NEDD9: variants seen among roughly 807,000 people sequenced by gnomAD.
The protein encoded by NEDD9 is enhancer of filamentation 1.
NEDD9 carries 26 observed loss-of-function variants against 76.6 expected under a neutral mutation model. That is an observed-to-expected ratio of 0.34 (90% CI 0.25 to 0.47). The LOEUF is 0.47. Among genes scored for constraint, NEDD9 ranks in the 20% least tolerant of loss-of-function variants. The pLI, the probability that NEDD9 is intolerant of heterozygous loss-of-function variation, is 1.00. For missense variants in NEDD9, 937 were observed against 1,058.5 expected (o/e 0.89, Z 1.59); for synonymous variants, 392 against 414.2 (o/e 0.95, Z 0.65).
At chr6:11,346,595 C>G (rs962689712) in intron 1 of NEDD9, among the ~76,000 whole-genome samples, 4 of 152,020 alleles carry the variant, frequency 2.6e-5, no homozygotes, top group African/African-American at 9.7e-5. Context: ...TGATTCATCT[C>G]CATAGTTTCT....
At chr6:11,202,354 G>A (rs995992495) in intron 2 of NEDD9, among the ~76,000 whole-genome samples, 1 of 152,148 alleles carries the variant, frequency 6.6e-6, no homozygotes, top group African/African-American at 2.4e-5. Context: ...CCCTTGAAAA[G>A]CATTAACAGA....
At chr6:11,248,801 C>T (rs769644858) in intron 3 of NEDD9, 7 of 262,774 alleles carry the variant, frequency 2.7e-5, no homozygotes, top group Non-Finnish European at 5.4e-5. Context: ...TGAGGCCCCA[C>T]CTTGGCCCTG....
At chr6:11,245,046 C>A (rs905627008) in intron 3 of NEDD9, among the ~76,000 whole-genome samples, 12 of 152,306 alleles carry the variant, frequency 7.9e-5, no homozygotes, top group Admixed American at 5.2e-4. Context: ...TTCCTTTGCA[C>A]CCCCTGTGGC....
At chr6:11,192,298 G>GACACACAC in intron 4 of NEDD9, 47 bp downstream of exon 4, 1 of 607,786 alleles carries the variant, frequency 1.6e-6, no homozygotes. Context: ...CCGACACACA[G>GACACACAC]ACACACACAC....
intron 2 of NEDD9, among the ~76,000 whole-genome samples, chr6:11,318,161 C>T (rs1042229915): frequency 6.6e-6 from 1 of 152,166 alleles, no homozygotes. Flanking sequence ...AGACAGGAAC[C>T]ACACCATCAG....
At chr6:11,354,446 TG>T (rs1481688711) in intron 1 of NEDD9, among the ~76,000 whole-genome samples, 1 of 152,186 alleles carries the variant, frequency 6.6e-6, no homozygotes, top group Non-Finnish European at 1.5e-5. Context: ...AAATTAGAAC[TG>T]ACAATGGTGA....
chr6:11,200,805 C>T, intron 2 of NEDD9: 1 of 1,453,484 alleles, frequency 6.9e-7, no homozygotes, highest in Non-Finnish European at 9.0e-7. Flanking sequence ...TCAGTATTGG[C>T]ATTATTACGG....
intron 3 of NEDD9, among the ~76,000 whole-genome samples, chr6:11,256,803 A>G (rs1760013096): frequency 6.6e-6 from 1 of 152,174 alleles, no homozygotes; most frequent in African/African-American, 2.4e-5. Flanking sequence ...GATTCAATAG[A>G]GCCTTTGCAG....
chr6:11,230,184 T>C (rs1759427402), intron 1 of NEDD9, among the ~76,000 whole-genome samples: 1 of 152,238 alleles, frequency 6.6e-6, no homozygotes, highest in African/African-American at 2.4e-5. Flanking sequence ...GTTACTATCT[T>C]AAAAAGAAAT....
At chr6:11,224,109 A>G (rs1759235042) in intron 1 of NEDD9, among the ~76,000 whole-genome samples, 1 of 152,220 alleles carries the variant, frequency 6.6e-6, no homozygotes, top group Non-Finnish European at 1.5e-5. Context: ...TGAAACCAAC[A>G]ACAAAGGATG....
intron 1 of NEDD9, among the ~76,000 whole-genome samples, chr6:11,379,900 T>C (rs928645438): frequency 6.6e-6 from 1 of 152,248 alleles, no homozygotes; most frequent in African/African-American, 2.4e-5. Context: ...TATAAAATTC[T>C]CCTATTTGTG....
At chr6:11,288,158 C>T (rs563803714) in intron 3 of NEDD9, among the ~76,000 whole-genome samples, 5 of 152,272 alleles carry the variant, frequency 3.3e-5, no homozygotes, top group South Asian at 2.1e-4. Flanking sequence ...GTCAAAATTA[C>T]GCAGGCTGGT....
chr6:11,298,920 T>C (rs1038635842), intron 3 of NEDD9, among the ~76,000 whole-genome samples: 2 of 152,120 alleles, frequency 1.3e-5, no homozygotes, highest in African/African-American at 2.4e-5. Context: ...CCCAGCAAGA[T>C]TGATGCAGAA....
At chr6:11,271,250 T>A (rs960285528) in intron 3 of NEDD9, among the ~76,000 whole-genome samples, 4 of 152,146 alleles carry the variant, frequency 2.6e-5, no homozygotes, top group Non-Finnish European at 5.9e-5. Flanking sequence ...TTGCCCAGGC[T>A]GGTCTTGAAC....
At chr6:11,283,552 A>G (rs1016059969) in intron 3 of NEDD9, among the ~76,000 whole-genome samples, 4 of 152,176 alleles carry the variant, frequency 2.6e-5, no homozygotes, top group African/African-American at 7.2e-5. Flanking sequence ...CTCTCTAGCA[A>G]TAGTCACCAC....
At chr6:11,250,291 C>T (rs918017668) in intron 3 of NEDD9, among the ~76,000 whole-genome samples, 1 of 152,184 alleles carries the variant, frequency 6.6e-6, no homozygotes, top group African/African-American at 2.4e-5. Flanking sequence ...ATGACAAGCA[C>T]AGTAGCCAAA....
Position 11,370,589 on chromosome 6 carries a change from A to C in NEDD9, c.-214+11550T>G, listed in dbSNP as rs564266093. 5.3e-5 allele frequency among the ~76,000 whole-genome samples: 8 copies of C among 152,184 alleles called. No homozygotes were observed. Among genetic ancestry groups the C allele is most frequent in the African/African-American group, 1.9e-4 (8 of 41,528 alleles). ...CTTTTCTGTGTCCTTCCCGTTTTGC[A>C]AGGGCCATACCAGCTTCACTTCTGA... On this transcript the variant is annotated intron_variant, in intron 1 of 3. Coordinates refer to the NEDD9 transcript ENST00000397378. The surrounding 1 kb of genome is among the most constrained non-coding windows in gnomAD (Gnocchi z 4.2).
chr6:11,193,454 A>G (rs747632522), intron 3 of NEDD9, 137 bp downstream of exon 3: 493 of 515,676 alleles, frequency 9.6e-4, no homozygotes, highest in Non-Finnish European at 1.1e-3. Flanking sequence ...TAAAGTGGCT[A>G]CTGGGTAGAC....
intron 2 of NEDD9, among the ~76,000 whole-genome samples, chr6:11,318,124 T>C (rs1265135991): frequency 1.3e-5 from 2 of 152,100 alleles, no homozygotes; most frequent in Non-Finnish European, 2.9e-5. Flanking sequence ...TGTGATCCGC[T>C]CTCCTGGGTT....
Sources: allele counts gnomAD v4.1 joint callset (sites outside exome capture counted in the v4.1 genomes callset), GRCh38; gene constraint gnomAD v4.1.1; non-coding constraint Gnocchi (gnomAD v3.1); transcripts MANE v1.5; gene names NCBI Gene and HGNC (gene_info 2026-07-23, HGNC 2026-07-21).